The following APLF variants were observed in gnomAD, a reference collection of about 807,000 sequenced individuals.
APLF encodes the protein aprataxin and PNK-like factor.
Under a neutral mutation model 55.6 loss-of-function variants are expected in APLF, and 61 were observed. That is an observed-to-expected ratio of 1.10 (90% CI 0.89 to 1.36). The LOEUF (loss-of-function observed/expected upper bound fraction) is 1.36, where lower values mean the gene tolerates loss of function less well. Among genes scored for constraint, APLF ranks in the 40% most tolerant of loss-of-function variants. APLF has a pLI of 0.00. For missense variants in APLF, 611 were observed against 602.5 expected (o/e 1.01, Z -0.15); for synonymous variants, 207 against 214.8 (o/e 0.96, Z 0.32).
intron 5 of APLF, among the ~76,000 whole-genome samples, chr2:68,518,922 A>T (rs1445667354): frequency 8.0e-6 from 1 of 125,228 alleles, no homozygotes; most frequent in Admixed American, 9.0e-5. Context: ...ATAATAATAT[A>T]TCATTAATAT....
chr2:68,579,251 A>G lies in APLF; in HGVS notation c.*1229A>G. ...TATTTACTTAAACTGGAACAAGAAT[A>G]AGATAAACATTTCTCTAGACTATAA... is the stretch of plus-strand genomic sequence containing the variant. On this transcript the variant is annotated 3_prime_UTR_variant, in exon 10 of 10. Coordinates refer to ENST00000303795, the MANE Select transcript of APLF (RefSeq NM_173545.3). 1 of 819,976 alleles carries G rather than the reference A, an allele frequency of 1.2e-6. No homozygotes were observed. The highest frequency in any genetic ancestry group is 1.5e-6 in the Non-Finnish European group (1 of 679,460). 50.8% of individuals were successfully genotyped at this position (819,976 alleles called of 1,614,324 possible). A position where few individuals can be genotyped will look rare whatever the true frequency, so the allele number is the denominator to read the frequency against.
At chr2:68,526,846 C>T (rs550089308) in intron 6 of APLF, among the ~76,000 whole-genome samples, 8 of 152,288 alleles carry the variant, frequency 5.3e-5, no homozygotes, top group African/African-American at 1.4e-4. Flanking sequence ...AGCTACCATG[C>T]CCGCCTAATT....
At position 68,579,076 on chromosome 2, in the gene APLF, A is replaced by C; in HGVS notation, c.*1054A>C. The C allele has an allele frequency of 1.0e-6, 1 of 982,494 alleles. No individual in the cohort carries two copies. 60.9% of individuals were successfully genotyped at this position (982,494 alleles called of 1,614,324 possible). On this transcript the variant is annotated 3_prime_UTR_variant, in exon 10 of 10. Transcript: ENST00000303795. ...CAGGAGATATTTATTGAAATCATAAATCACTAAGCCAAAAGAATCTTTGTT... is the reference window on the plus strand; with the variant it reads ...CAGGAGATATTTATTGAAATCATAACTCACTAAGCCAAAAGAATCTTTGTT...
At position 68,521,279 on chromosome 2, in the gene APLF, C is replaced by T. The variant is rs557075758; in HGVS notation, c.623-4782C>T. On this transcript the variant is annotated intron_variant, in intron 5 of 9. Transcript: ENST00000303795. ...TCTAGGTATATGATTATATCGTTGG[C>T]AAATGGTGACAGTTTGACTCAGTGA... Among the ~76,000 whole-genome samples, 20 of 151,776 alleles carry T rather than the reference C, an allele frequency of 1.3e-4. No homozygotes were observed. The South Asian group carries it at 3.9e-3, about 30-fold the overall frequency.
rs1034277456 is a variant in APLF at position 68,579,066 on chromosome 2, G to A, written c.*1044G>A. On this transcript the variant is annotated 3_prime_UTR_variant, in exon 10 of 10. Transcript: ENST00000303795. ...GTACACAGAGCAGGAGATATTTATT[G>A]AAATCATAAATCACTAAGCCAAAAG... is the stretch of plus-strand genomic sequence containing the variant. 52 of 983,602 alleles carry A rather than the reference G, an allele frequency of 5.3e-5. No homozygotes were observed. Among genetic ancestry groups the A allele is most frequent in the Non-Finnish European group, 5.3e-5 (44 of 828,406 alleles). 60.9% of individuals were successfully genotyped at this position (983,602 alleles called of 1,614,324 possible).
chr2:68,551,276 T>A (rs1366104987), intron 8 of APLF, among the ~76,000 whole-genome samples: 5 of 152,132 alleles, frequency 3.3e-5, no homozygotes, highest in Non-Finnish European at 7.4e-5. Context: ...TTAAGATTTT[T>A]ATCTTTGCCT....
rs1020636710 is a variant in APLF, at chr2:68,573,977, C to T, written c.1334-3843C>T. ...GTTCTCATAGACAATCAAATGAGAG[C>T]AGCAGTAACTAGCAGGAAGAAATTT... On this transcript the variant is annotated intron_variant, in intron 9 of 9. Coordinates refer to ENST00000303795, the MANE Select transcript of APLF (RefSeq NM_173545.3). Among the ~76,000 whole-genome samples, 16 of 151,430 alleles carry T rather than the reference C, an allele frequency of 1.1e-4. 1 individual carries two copies. The highest frequency in any genetic ancestry group is 8.3e-4 in the South Asian group (4 of 4,820).
chr2:68,560,101 G>C (rs1465368247), intron 8 of APLF, among the ~76,000 whole-genome samples: 1 of 152,040 alleles, frequency 6.6e-6, no homozygotes, highest in African/African-American at 2.4e-5. Context: ...TACCTCCTCA[G>C]AAATGCCGTC....
At position 68,539,777 on chromosome 2, in the gene APLF, C is replaced by T. The variant is rs1332449583; in HGVS notation, c.1160+1550C>T. Reference sequence around the variant, plus strand: ...GTTTAATCAAGAATATCTACAGAAACCAACAGCTAACTTCATACTTAATGG... The same window carrying T: ...GTTTAATCAAGAATATCTACAGAAATCAACAGCTAACTTCATACTTAATGG... On this transcript the variant is annotated intron_variant, in intron 7 of 9. Coordinates refer to ENST00000303795, the MANE Select transcript of APLF (RefSeq NM_173545.3). 1.3e-5 allele frequency among the ~76,000 whole-genome samples: 2 copies of T among 151,934 alleles called. 1 individual carries two copies. The highest frequency in any genetic ancestry group is 2.9e-5 in the Non-Finnish European group (2 of 67,968).
intron 2 of APLF, among the ~76,000 whole-genome samples, chr2:68,500,767 A>G (rs1043642166): frequency 2.6e-5 from 4 of 152,198 alleles, no homozygotes; most frequent in African/African-American, 9.6e-5. Flanking sequence ...TGACATACTC[A>G]AGGAAAGGGA....
chr2:68,526,244 T>A lies in APLF; in HGVS notation c.804+2T>A. 1 of 1,595,872 alleles carries A rather than the reference T, an allele frequency of 6.3e-7. No individual in the cohort carries two copies. The highest frequency in any genetic ancestry group is 8.5e-7 in the Non-Finnish European group (1 of 1,173,744). Reference sequence around the variant, plus strand: ...GAAGAGTCTACCATTTCATCCAAGGTGATTTTAAAAAATTCATTATTTGAT... The same window carrying A: ...GAAGAGTCTACCATTTCATCCAAGGAGATTTTAAAAAATTCATTATTTGAT... On this transcript the variant is annotated splice_donor_variant, in intron 6 of 9. Transcript: ENST00000303795. LOFTEE classifies it high-confidence loss of function.
chr2:68,510,921 GA>G (rs1677031123), intron 3 of APLF, among the ~76,000 whole-genome samples: 2 of 151,756 alleles, frequency 1.3e-5, no homozygotes, highest in Admixed American at 1.3e-4. Flanking sequence ...AGCTAGACAC[GA>G]AAGACCACAT....
chr2:68,528,579 C>T, intron 6 of APLF: 1 of 1,534,050 alleles, frequency 6.5e-7, no homozygotes, highest in Non-Finnish European at 8.7e-7. Context: ...ATGTCCTCCC[C>T]CACCGTCAGC....
chr2:68,578,552 A>C lies in APLF; in HGVS notation c.*530A>C. 1.0e-6 allele frequency: 1 copy of C among 985,678 alleles called. No homozygotes were observed. The highest frequency in any genetic ancestry group is 1.2e-6 in the Non-Finnish European group (1 of 830,178). The allele number at this position is 985,678 out of a possible 1,614,324, so 61.1% of individuals were successfully genotyped here. On this transcript the variant is annotated 3_prime_UTR_variant, in exon 10 of 10. Transcript: ENST00000303795. ...ATTTCACTTACTACTTTTATCCTTC[A>C]AAACTTGGGAAGATTGGTTCCAAAT...
chr2:68,519,056 T>G (rs1294605514), intron 5 of APLF, among the ~76,000 whole-genome samples: 6 of 127,108 alleles, frequency 4.7e-5, no homozygotes, highest in African/African-American at 1.5e-4. Flanking sequence ...ATATAATATA[T>G]AATTAATATA....
chr2:68,481,715 T>A (rs930755310), intron 1 of APLF, among the ~76,000 whole-genome samples: 6 of 152,192 alleles, frequency 3.9e-5, no homozygotes, highest in Non-Finnish European at 7.3e-5. Context: ...TTTCCATATT[T>A]TCTTTTCCTG....
At chr2:68,496,066 C>T (rs1477768735) in intron 2 of APLF, among the ~76,000 whole-genome samples, 2 of 152,122 alleles carry the variant, frequency 1.3e-5, no homozygotes, top group Non-Finnish European at 2.9e-5. Context: ...GGCCTTTTCT[C>T]CATTGTCTTG....
chr2:68,524,654 T>C (rs930402629), intron 5 of APLF, among the ~76,000 whole-genome samples: 1 of 152,226 alleles, frequency 6.6e-6, no homozygotes, highest in African/African-American at 2.4e-5. Flanking sequence ...TACAGATTGC[T>C]TTATATACCT....
chr2:68,552,019 T>C (rs1670881918), intron 8 of APLF, among the ~76,000 whole-genome samples: 1 of 152,158 alleles, frequency 6.6e-6, no homozygotes, highest in Non-Finnish European at 1.5e-5. Context: ...GGCATGGCTT[T>C]TCCCGACTTT....
Sources: gnomAD v4.1 joint callset for allele counts (sites outside exome capture counted in the v4.1 genomes callset) on GRCh38, gnomAD v4.1.1 for gene constraint, MANE v1.5 for transcripts, NCBI Gene and HGNC (gene_info 2026-07-23, HGNC 2026-07-21) for gene names.